Variants in FLYWCH1 observed in about 807,000 individuals in gnomAD.
FLYWCH1 encodes FLYWCH-type zinc finger 1.
A neutral mutation model predicts 66.4 loss-of-function variants in FLYWCH1; 75 were observed. That is an observed-to-expected ratio of 1.13 (90% confidence interval 0.94 to 1.37). The LOEUF (loss-of-function observed/expected upper bound fraction) is 1.37, where lower values mean the gene tolerates loss of function less well. Among genes scored for constraint, FLYWCH1 ranks in the 40% most tolerant of loss-of-function variants. The probability of loss-of-function intolerance (pLI) is 0.00; values close to 1 mark genes in which losing one functional copy is unlikely to be tolerated. For synonymous variants in FLYWCH1, 595 were observed against 429.9 expected (o/e 1.38, Z -4.75); for missense variants, 1,334 against 1,001.8 (o/e 1.33, Z -4.48).
intron 9 of FLYWCH1, among the ~76,000 whole-genome samples, chr16:2,941,953 C>T (rs576613821): frequency 6.3e-5 from 8 of 127,584 alleles, no homozygotes; most frequent in Non-Finnish European, 9.6e-5. Flanking sequence ...GTCGAGATTG[C>T]GCCACTGCAC....
Position 2,933,761 on chromosome 16 carries a change from T to G in FLYWCH1, c.1295T>G (p.Val432Gly). The G allele has an allele frequency of 6.2e-7, 1 of 1,613,204 alleles. No individual in the cohort carries two copies. Residue 432 changes from valine (V) to glycine (G), a missense_variant, in exon 6 of 10, where the codon GTG (valine) becomes GGG (glycine). Transcript: ENST00000253928. ...ACGCCCCTGGGGGGCAGCTTCCTGG[T>G]GTACGAGTCCTTCCTCTACCGGCGG... ...LKTPLGGSFL[V>G]YESFLYRREK... is the part of the protein sequence containing the mutation.
chr16:2,929,976 G>A lies in FLYWCH1; in HGVS notation c.291G>A (p.Glu97=). 6.2e-7 allele frequency: 1 copy of A among 1,611,146 alleles called. No homozygotes were observed. The highest frequency in any genetic ancestry group is 8.5e-7 in the Non-Finnish European group (1 of 1,178,074). Reference sequence around the variant, plus strand: ...GAGGGGTGGTCCAGCCAGCCCTAGAGATGCCTGAACAGAAGTGCAGCAAGC... The same window carrying A: ...GAGGGGTGGTCCAGCCAGCCCTAGAAATGCCTGAACAGAAGTGCAGCAAGC... The part of the protein sequence containing the change: ...EQGGVVQPAL[E]MPEQKCSKLD... The change falls in exon 3 of 10, where the codon GAG becomes GAA. Residue 97 remains glutamate, a synonymous_variant. Coordinates refer to ENST00000253928, the MANE Select transcript of FLYWCH1 (RefSeq NM_001308068.2).
intron 9 of FLYWCH1, among the ~76,000 whole-genome samples, chr16:2,944,718 GAGGCTGAGGCGTGAGA>G (rs1173003395): frequency 1.3e-5 from 2 of 151,988 alleles, no homozygotes; most frequent in Non-Finnish European, 2.9e-5. Flanking sequence ...AGCTACTTGG[GAGGCTGAGGCGTGAGA>G]ATCGCTTAAC....
chr16:2,945,928 C>T (rs925721635), intron 9 of FLYWCH1, among the ~76,000 whole-genome samples: 1 of 151,582 alleles, frequency 6.6e-6, no homozygotes, highest in Non-Finnish European at 1.5e-5. Flanking sequence ...ACCCGGGAGG[C>T]AGAGCTTGCA....
rs966740354 is a variant in FLYWCH1 at position 2,930,507 on chromosome 16, C to T, written c.423C>T (p.Asp141=). 24 of 1,538,428 alleles carry T rather than the reference C, an allele frequency of 1.6e-5. No individual in the cohort carries two copies. The African/African-American group carries it at 3.4e-4, about 21-fold the overall frequency. Residue 141 remains aspartate (D), a synonymous_variant, in exon 4 of 10, where the codon GAC becomes GAT. Coordinates refer to ENST00000253928, the MANE Select transcript of FLYWCH1 (RefSeq NM_001308068.2). ...ACAAGCAGGAGAAGGCAGTGGGGGACAAGGTGTACTGGAAGTGCCGCCAAC... is the reference window on the plus strand; with the variant it reads ...ACAAGCAGGAGAAGGCAGTGGGGGATAAGGTGTACTGGAAGTGCCGCCAAC... ...FLYKQEKAVG[D]KVYWKCRQHA... is the part of the protein sequence containing the mutation.
chr16:2,933,503 G>A lies in FLYWCH1; in HGVS notation c.1170G>A (p.Lys390=), dbSNP rs776972914. 2.5e-6 allele frequency: 4 copies of A among 1,611,572 alleles called. No individual in the cohort carries two copies. The highest frequency in any genetic ancestry group is 2.7e-5 in the African/African-American group (2 of 74,908). Residue 390 remains lysine, a synonymous_variant, in exon 5 of 10, where the codon AAG becomes AAA. Transcript: ENST00000253928. ...PLTLTRPRPR[K]RAKVEDQELP... is the part of the protein sequence containing the mutation. ...CTCTCACCAGGCCTCGGCCCAGAAA[G>A]CGAGCAAAGGTCGAAGACCAGGAGC...
chr16:2,938,120 C>T (rs2071094823), intron 7 of FLYWCH1, 64 bp from the exon 8 acceptor site: 5 of 1,502,084 alleles, frequency 3.3e-6, no homozygotes, highest in Middle Eastern at 2.4e-4. Context: ...GGATACAAAT[C>T]AGACCCCCAG....
At chr16:2,934,027 C>G (rs1187063504) in intron 6 of FLYWCH1, 48 bp downstream of exon 6, 4 of 1,466,332 alleles carry the variant, frequency 2.7e-6, no homozygotes, top group South Asian at 1.4e-5. Flanking sequence ...CAGGCAGGAG[C>G]CCCACACTGC....
Position 2,937,395 on chromosome 16 carries a change from AGG to A in FLYWCH1, c.1777+13_1777+14del. Reference sequence around the variant, plus strand: ...AGTGGGACAGCCCAGGTGCGTGTGGAGGGTGCTGGGCTGGGTCTGCCTGGTCT... The same window carrying A: ...AGTGGGACAGCCCAGGTGCGTGTGGAGTGCTGGGCTGGGTCTGCCTGGTCT... On this transcript the variant is annotated intron_variant, in intron 7 of 9. Coordinates refer to ENST00000253928, the MANE Select transcript of FLYWCH1 (RefSeq NM_001308068.2). The A allele has an allele frequency of 6.5e-7, 1 of 1,537,596 alleles. No individual in the cohort carries two copies.
Position 2,938,417 on chromosome 16 carries a change from C to T in FLYWCH1, c.2011C>T (p.Arg671Trp), listed in dbSNP as rs370461102. 52 of 1,536,640 alleles carry T rather than the reference C, an allele frequency of 3.4e-5. No homozygotes were observed. Among genetic ancestry groups the T allele is most frequent in the African/African-American group, 1.9e-4 (14 of 72,506 alleles). The change falls in exon 8 of 10, where the codon CGG becomes TGG. Residue 671 changes from arginine to tryptophan, a missense_variant. Transcript: ENST00000253928. The part of the protein sequence containing the change: ...DLAGLEALRQ[R>W]ERLPTTAQQE... ...GGCAGGCCTGGAGGCCTTGAGGCAA[C>T]GGGAGCGGCTCCCCACCACGGCCCA...
intron 8 of FLYWCH1, among the ~76,000 whole-genome samples, chr16:2,939,288 A>G (rs369485397): frequency 9.2e-5 from 14 of 152,248 alleles, no homozygotes; most frequent in African/African-American, 2.6e-4. Context: ...TCTACTAAAA[A>G]TACAAAATTA....
At chr16:2,934,190 C>A (rs943647883) in intron 6 of FLYWCH1, among the ~76,000 whole-genome samples, 2 of 152,188 alleles carry the variant, frequency 1.3e-5, no homozygotes, top group Non-Finnish European at 2.9e-5. Flanking sequence ...CAGCCTCCCC[C>A]TTCCAGCCTG....
At position 2,945,263 on chromosome 16, in the gene FLYWCH1, G is replaced by A. The variant is rs988508794; in HGVS notation, c.2112-3425G>A. Among the ~76,000 whole-genome samples, 20 of 151,504 alleles carry A rather than the reference G, an allele frequency of 1.3e-4. 1 individual carries two copies. Among genetic ancestry groups the A allele is most frequent in the South Asian group, 4.2e-4 (2 of 4,764 alleles). On this transcript the variant is annotated intron_variant, in intron 9 of 9. Transcript: ENST00000253928. ...AGCACTTTGGGAGGCCGAGGCAGGC[G>A]GATCACGAGGTCAGGAGATCAAGAC...
chr16:2,938,503 C>G, intron 8 of FLYWCH1, 47 bp downstream of exon 8: 6 of 1,490,770 alleles, frequency 4.0e-6, no homozygotes, highest in East Asian at 2.4e-5. Flanking sequence ...GCATCCTCAT[C>G]TCTTCCAGCT....
intron 2 of FLYWCH1, among the ~76,000 whole-genome samples, chr16:2,921,531 A>G (rs995738287): frequency 1.3e-5 from 2 of 151,942 alleles, no homozygotes; most frequent in African/African-American, 4.8e-5. Context: ...CCCTGTCATT[A>G]CCAAAATATT....
chr16:2,940,496 C>T (rs1409176207), intron 9 of FLYWCH1, among the ~76,000 whole-genome samples: 3 of 152,190 alleles, frequency 2.0e-5, no homozygotes, highest in Admixed American at 6.5e-5. Context: ...AGTACAGCGG[C>T]ATGATCTCAG....
intron 9 of FLYWCH1, 129 bp downstream of exon 9, chr16:2,940,221 T>C: frequency 1.6e-6 from 1 of 611,686 alleles, no homozygotes; most frequent in Non-Finnish European, 3.0e-6. Context: ...TGGGTGGTTC[T>C]GACTCCTGAG....
At chr16:2,918,193 G>T (rs2070240405) in intron 2 of FLYWCH1, among the ~76,000 whole-genome samples, 1 of 141,910 alleles carries the variant, frequency 7.0e-6, no homozygotes, top group South Asian at 2.2e-4. Flanking sequence ...TGTCGCCCAG[G>T]CTGGAGTGCA....
At position 2,931,175 on chromosome 16, in the gene FLYWCH1, C is replaced by T. The variant is rs562048865; in HGVS notation, c.796+295C>T. On this transcript the variant is annotated intron_variant, in intron 4 of 9. Transcript: ENST00000253928. Reference sequence around the variant, plus strand: ...ACACTTAGCCGGGCATGCTGGTGCGCACCTGTAATCCCAGCTACTCAGGAG... The same window carrying T: ...ACACTTAGCCGGGCATGCTGGTGCGTACCTGTAATCCCAGCTACTCAGGAG... Among the ~76,000 whole-genome samples the T allele has an allele frequency of 4.1e-4, 63 of 151,898 alleles. No individual in the cohort carries two copies. In the South Asian group the frequency reaches 5.4e-3, roughly 13 times the overall value.
Sources: gnomAD v4.1 joint callset for allele counts (sites outside exome capture counted in the v4.1 genomes callset) on GRCh38, gnomAD v4.1.1 for gene constraint, MANE v1.5 for transcripts, NCBI Gene and HGNC (gene_info 2026-07-23, HGNC 2026-07-21) for gene names.